The following ANKRD30B variants were observed in gnomAD, a reference collection of about 807,000 sequenced individuals.
The protein encoded by ANKRD30B is ankyrin repeat domain-containing protein 30B.
In ANKRD30B, 144 loss-of-function variants were observed where a neutral mutation model predicts 202.2. The observed-to-expected ratio is 0.71, with a 90% CI of 0.62 to 0.82. The LOEUF (loss-of-function observed/expected upper bound fraction) is 0.82, where lower values mean the gene tolerates loss of function less well. Ranked by LOEUF, ANKRD30B falls within the 40% of genes least tolerant of loss-of-function variation. ANKRD30B has a pLI of 0.00. For synonymous variants in ANKRD30B, 508 were observed against 561.3 expected (o/e 0.91, Z 1.34); for missense variants, 1,487 against 1,669.1 (o/e 0.89, Z 1.90).
chr18:14,879,843 C>T, the ANKRD30B span, among the ~76,000 whole-genome samples: 1 of 152,066 alleles, frequency 6.6e-6, no homozygotes, highest in Admixed American at 6.5e-5. Flanking sequence ...GTTGTCTACT[C>T]TGCTGACTGT....
chr18:14,772,446 G>C (rs1227110415), intron 9 of ANKRD30B, among the ~76,000 whole-genome samples: 1 of 151,492 alleles, frequency 6.6e-6, no homozygotes, highest in East Asian at 1.9e-4. Context: ...GGGTGTGAGG[G>C]CCGAAAAATG....
the ANKRD30B span, among the ~76,000 whole-genome samples, chr18:14,909,698 C>T: frequency 5.3e-5 from 8 of 152,270 alleles, no homozygotes; most frequent in East Asian, 5.8e-4. Context: ...TGAGTCACTG[C>T]GCCTGACTGG....
At position 14,760,614 on chromosome 18, in the gene ANKRD30B, T is replaced by G. The variant is rs774491051; in HGVS notation, c.816T>G (p.Asn272Lys). 1 of 1,535,124 alleles carries G rather than the reference T, an allele frequency of 6.5e-7. No individual in the cohort carries two copies. The highest frequency in any genetic ancestry group is 2.0e-5 in the Admixed American group (1 of 49,100). The change falls in exon 6 of 44, where the codon AAT becomes AAG. Residue 272 changes from asparagine to lysine, a missense_variant. Asn to Lys is a moderately conservative substitution (Grantham distance 94). This residue lies in a region of ANKRD30B where 889 missense variants were observed against 841.4 expected (regional missense o/e 1.06). Coordinates refer to ENST00000690538, the MANE Select transcript of ANKRD30B (RefSeq NM_001367607.2). ...RKLPKNPQNTNPEGTSTGTPD... is the reference protein window; with the variant it reads ...RKLPKNPQNTKPEGTSTGTPD... ...TACCTAAAAATCCTCAAAATACCAA[T>G]CCAGGTAAGACTTCGGATAGCAAAC...
chr18:14,827,123 G>T (rs1970702872), intron 32 of ANKRD30B, among the ~76,000 whole-genome samples: 1 of 152,100 alleles, frequency 6.6e-6, no homozygotes, highest in African/African-American at 2.4e-5. Flanking sequence ...TCAGAAGGAG[G>T]ATCATCTGCT....
At chr18:14,793,235 A>T (rs1488674848) in intron 16 of ANKRD30B, among the ~76,000 whole-genome samples, 1 of 152,044 alleles carries the variant, frequency 6.6e-6, no homozygotes, top group Non-Finnish European at 1.5e-5. Context: ...ATCAATTCAT[A>T]ACACTTTCAC....
At chr18:14,866,622 T>C in the ANKRD30B span, among the ~76,000 whole-genome samples, 2 of 151,906 alleles carry the variant, frequency 1.3e-5, no homozygotes, top group African/African-American at 4.8e-5. Flanking sequence ...TCTGTTAGAG[T>C]AGTAGAAAGA....
At chr18:14,783,702 T>C (rs759273479) in intron 12 of ANKRD30B, among the ~76,000 whole-genome samples, 33 of 152,136 alleles carry the variant, frequency 2.2e-4, no homozygotes, top group Non-Finnish European at 3.4e-4. Context: ...TATGTCAATA[T>C]TGAAAGCTTA....
At chr18:14,833,943 A>G (rs1310543203) in intron 34 of ANKRD30B, among the ~76,000 whole-genome samples, 1 of 152,162 alleles carries the variant, frequency 6.6e-6, no homozygotes, top group African/African-American at 2.4e-5. Flanking sequence ...CTCTGTCTCA[A>G]TTGTCAGCAT....
intron 1 of ANKRD30B, among the ~76,000 whole-genome samples, chr18:14,750,020 A>G (rs1334845669): frequency 6.6e-6 from 1 of 152,146 alleles, no homozygotes; most frequent in Non-Finnish European, 1.5e-5. Flanking sequence ...ATAAATGCCT[A>G]TTTACACAGA....
At chr18:14,923,081 C>T in the ANKRD30B span, among the ~76,000 whole-genome samples, 30 of 152,270 alleles carry the variant, frequency 2.0e-4, no homozygotes, top group Admixed American at 1.0e-3. Context: ...AATAAAGAGT[C>T]CACAGGCCCT....
At chr18:14,790,520 G>T (rs1446159320) in intron 15 of ANKRD30B, among the ~76,000 whole-genome samples, 2 of 152,274 alleles carry the variant, frequency 1.3e-5, no homozygotes, top group East Asian at 3.9e-4. Flanking sequence ...GATATTGGCT[G>T]TGGGTTTGTC....
chr18:14,901,883 T>A, the ANKRD30B span, among the ~76,000 whole-genome samples: 24 of 152,184 alleles, frequency 1.6e-4, no homozygotes, highest in Non-Finnish European at 2.8e-4. Context: ...TGATACGTTG[T>A]CTACATGGTT....
intron 18 of ANKRD30B, among the ~76,000 whole-genome samples, chr18:14,797,372 G>T (rs1166323926): frequency 2.0e-5 from 3 of 152,152 alleles, no homozygotes; most frequent in Non-Finnish European, 4.4e-5. Context: ...ACGTGCTGTT[G>T]GCTCATTCTG....
At chr18:14,782,719 T>G in intron 12 of ANKRD30B, 105 bp downstream of exon 12, 1 of 622,608 alleles carries the variant, frequency 1.6e-6, no homozygotes, top group East Asian at 3.2e-5. Flanking sequence ...ACTAAATACA[T>G]AACATCGAAA....
the ANKRD30B span, among the ~76,000 whole-genome samples, chr18:14,893,934 A>G: frequency 6.6e-6 from 1 of 150,816 alleles, no homozygotes; most frequent in Non-Finnish European, 1.5e-5. Context: ...TGTCCATGAT[A>G]GCATAATGGT....
chr18:14,873,238 AT>A, the ANKRD30B span, among the ~76,000 whole-genome samples: 1 of 152,232 alleles, frequency 6.6e-6, no homozygotes, highest in East Asian at 1.9e-4. Context: ...TTAAAAGATA[AT>A]TTGGGGCCGG....
At chr18:14,909,979 A>G in the ANKRD30B span, 1 of 152,120 alleles carries the variant, frequency 6.6e-6, no homozygotes, top group Non-Finnish European at 1.5e-5. Context: ...GCCATGTTCT[A>G]TGGCAGGCAA....
At chr18:14,786,481 C>G (rs1203293509) in intron 14 of ANKRD30B, among the ~76,000 whole-genome samples, 1 of 152,144 alleles carries the variant, frequency 6.6e-6, no homozygotes, top group Non-Finnish European at 1.5e-5. Flanking sequence ...GCTTATCATC[C>G]TAAAACATAT....
chr18:14,817,747 T>C (rs1970191082), intron 30 of ANKRD30B, among the ~76,000 whole-genome samples: 1 of 152,196 alleles, frequency 6.6e-6, no homozygotes, highest in South Asian at 2.1e-4. Context: ...ATATATGAAA[T>C]TCTGAGGTTT....
Sources: allele counts gnomAD v4.1 joint callset (sites outside exome capture counted in the v4.1 genomes callset), GRCh38; gene constraint gnomAD v4.1.1; regional missense constraint gnomAD v4.1.1; transcripts MANE v1.5; gene names NCBI Gene and HGNC (gene_info 2026-07-23, HGNC 2026-07-21).